Variants in FGF1 observed in about 807,000 individuals in gnomAD.
FGF1 encodes the protein fibroblast growth factor 1.
Under a neutral mutation model 13.4 loss-of-function variants are expected in FGF1, and 9 were observed. That is an observed-to-expected ratio of 0.67 (90% CI 0.40 to 1.17). The LOEUF is 1.17. Among genes scored for constraint, FGF1 ranks in the 50% most tolerant of loss-of-function variants. The pLI, the probability that FGF1 is intolerant of heterozygous loss-of-function variation, is 0.01. For missense variants in FGF1, 156 were observed against 192.7 expected, an observed-to-expected ratio of 0.81 and a Z score of 1.13; for synonymous variants, 93 against 79.0, an observed-to-expected ratio of 1.18 and a Z score of -0.94.
At chr5:142,608,894 T>TA (rs1758427179) in intron 2 of FGF1, among the ~76,000 whole-genome samples, 1 of 151,812 alleles carries the variant, frequency 6.6e-6, no homozygotes, top group African/African-American at 2.4e-5. Flanking sequence ...GTCCTTCCCA[T>TA]CACATATGAC....
At chr5:142,653,832 G>A (rs1191048712) in intron 1 of FGF1, among the ~76,000 whole-genome samples, 2 of 152,146 alleles carry the variant, frequency 1.3e-5, no homozygotes, top group Admixed American at 1.3e-4. Context: ...CGTGGCTCAC[G>A]CCTGTAATCT....
At chr5:142,669,524 A>C (rs1283837198) in intron 1 of FGF1, among the ~76,000 whole-genome samples, 2 of 152,230 alleles carry the variant, frequency 1.3e-5, no homozygotes, top group Non-Finnish European at 2.9e-5. Context: ...AAGAATGAAG[A>C]GGATTCTGCA....
intron 1 of FGF1, among the ~76,000 whole-genome samples, chr5:142,630,554 A>G (rs1763207688): frequency 6.6e-6 from 1 of 151,834 alleles, no homozygotes; most frequent in South Asian, 2.1e-4. Flanking sequence ...TAAAATCCAA[A>G]CCCTTACCAT....
intron 1 of FGF1, among the ~76,000 whole-genome samples, chr5:142,662,484 A>G (rs538105021): frequency 2.6e-5 from 4 of 152,342 alleles, no homozygotes; most frequent in Non-Finnish European, 5.9e-5. Context: ...CAAGAGGGGA[A>G]GGATTTTTGT....
chr5:142,650,675 T>C (rs79989160), intron 1 of FGF1, among the ~76,000 whole-genome samples: 7,361 of 150,696 alleles, frequency 0.049, 248 homozygotes, highest in Middle Eastern at 0.15. Flanking sequence ...TGTGTATATA[T>C]ACACACACAC....
intron 1 of FGF1, among the ~76,000 whole-genome samples, chr5:142,627,650 C>T (rs1167118664): frequency 3.3e-5 from 5 of 152,192 alleles, no homozygotes; most frequent in Non-Finnish European, 7.4e-5. Context: ...AAGCACCACG[C>T]AGGAAGCAGG....
At chr5:142,667,922 C>T (rs1409771588) in intron 1 of FGF1, among the ~76,000 whole-genome samples, 1 of 152,206 alleles carries the variant, frequency 6.6e-6, no homozygotes, top group East Asian at 1.9e-4. Context: ...CCTCTGGCCT[C>T]GCTCCCACTG....
At chr5:142,684,970 A>G (rs1774418516) in intron 1 of FGF1, among the ~76,000 whole-genome samples, 1 of 152,226 alleles carries the variant, frequency 6.6e-6, no homozygotes, top group African/African-American at 2.4e-5. Context: ...GGGTGGATGT[A>G]ACATAGCTAG....
intron 1 of FGF1, among the ~76,000 whole-genome samples, chr5:142,652,871 C>T (rs1464612294): frequency 6.6e-6 from 1 of 152,258 alleles, no homozygotes; most frequent in Non-Finnish European, 1.5e-5. Flanking sequence ...CTGTCCCCTC[C>T]ACTTCCTTCT....
chr5:142,683,744 C>T (rs1239585924), intron 1 of FGF1, among the ~76,000 whole-genome samples: 1 of 146,808 alleles, frequency 6.8e-6, no homozygotes, highest in Admixed American at 7.1e-5. Flanking sequence ...TTGCTTGAAC[C>T]CGGGAGGCGG....
intron 2 of FGF1, among the ~76,000 whole-genome samples, chr5:142,692,806 T>G (rs1213702976): frequency 6.7e-6 from 1 of 150,360 alleles, no homozygotes; most frequent in Non-Finnish European, 1.5e-5. Context: ...GTTTAATAAT[T>G]GTCTAGCTAT....
At chr5:142,640,004 A>ATTTG (rs752598426) in intron 1 of FGF1, among the ~76,000 whole-genome samples, 13 of 151,954 alleles carry the variant, frequency 8.6e-5, no homozygotes, top group Non-Finnish European at 1.5e-5. Context: ...CACAAACCAA[A>ATTTG]GTCTGTTAAA....
chr5:142,692,156 C>A (rs1205509509), intron 2 of FGF1, among the ~76,000 whole-genome samples: 3 of 152,118 alleles, frequency 2.0e-5, no homozygotes, highest in African/African-American at 7.2e-5. Flanking sequence ...CATGATGAAA[C>A]CCCTTCTCTA....
upstream of FGF1, among the ~76,000 whole-genome samples, chr5:142,687,204 G>A (rs144622011): frequency 7.4e-3 from 1,133 of 152,182 alleles, 7 homozygotes; most frequent in Middle Eastern, 0.014. Context: ...GGTACAGATC[G>A]ACCTGTCAGA....
At chr5:142,672,500 G>GT (rs34954693) in intron 1 of FGF1, among the ~76,000 whole-genome samples, 3,326 of 123,220 alleles carry the variant, frequency 0.027, 39 homozygotes, top group African/African-American at 0.035. Context: ...TTTCTGTACA[G>GT]TTTTTTTTTT....
chr5:142,659,566 G>A (rs1488812097), intron 1 of FGF1, among the ~76,000 whole-genome samples: 3 of 152,160 alleles, frequency 2.0e-5, no homozygotes, highest in African/African-American at 7.2e-5. Flanking sequence ...ATGATGAAAG[G>A]CAGTGTCAGC....
intron 1 of FGF1, among the ~76,000 whole-genome samples, chr5:142,624,343 A>G (rs1014947716): frequency 7.2e-5 from 11 of 152,260 alleles, no homozygotes; most frequent in Admixed American, 5.9e-4. Flanking sequence ...CTGGGATTAC[A>G]GGCATAAGCC....
chr5:142,664,768 G>A (rs1769982928), intron 1 of FGF1, among the ~76,000 whole-genome samples: 3 of 152,188 alleles, frequency 2.0e-5, no homozygotes, highest in Non-Finnish European at 4.4e-5. Flanking sequence ...ATGGGAGCCT[G>A]GGCTCTGGAG....
At chr5:142,687,167 C>T (rs368488550), upstream of FGF1, among the ~76,000 whole-genome samples, 26 of 152,214 alleles carry the variant, frequency 1.7e-4, no homozygotes, top group African/African-American at 6.3e-4. Context: ...GTACACAAGC[C>T]TGCTCACCTG....
Sources: allele counts gnomAD v4.1 joint callset (sites outside exome capture counted in the v4.1 genomes callset), GRCh38; gene constraint gnomAD v4.1.1; transcripts MANE v1.5; gene names NCBI Gene and HGNC (gene_info 2026-07-23, HGNC 2026-07-21).